The following MCPH1 variants were observed in gnomAD, a reference collection of about 807,000 sequenced individuals.
MCPH1 encodes the protein microcephalin.
Under a neutral mutation model 84.5 loss-of-function variants are expected in MCPH1, and 104 were observed. That is an observed-to-expected ratio of 1.23 (90% CI 1.05 to 1.45). The LOEUF (loss-of-function observed/expected upper bound fraction) is 1.45, where lower values mean the gene tolerates loss of function less well. MCPH1 is among the 40% of genes most tolerant of loss of function. The probability of loss-of-function intolerance (pLI) is 0.00; values close to 1 mark genes in which losing one functional copy is unlikely to be tolerated. For synonymous variants in MCPH1, 514 were observed against 366.8 expected, an observed-to-expected ratio of 1.40 and a Z score of -4.58; for missense variants, 1,498 against 1,005.7, an observed-to-expected ratio of 1.49 and a Z score of -6.62.
intron 12 of MCPH1, among the ~76,000 whole-genome samples, chr8:6,578,867 A>C (rs1395334546): frequency 6.6e-6 from 1 of 152,156 alleles, no homozygotes; most frequent in African/African-American, 2.4e-5. Context: ...CAACGTTGGG[A>C]GCACAGGTTG....
rs145562644 is a variant in MCPH1 at position 6,529,426 on chromosome 8, C to T, written c.2214+29497C>T. Among the ~76,000 whole-genome samples the T allele has an allele frequency of 8.6e-5, 13 of 151,430 alleles. 1 individual carries two copies. In the East Asian group the frequency reaches 2.5e-3, roughly 29 times the overall value. ...GTGGGTACATAATTCAGTTTCTTTG[C>T]GGCCTTCCTTAAGCTCAGCCATTTT... On this transcript the variant is annotated intron_variant, in intron 12 of 13. Transcript: ENST00000344683.
chr8:6,538,455 G>T (rs573520322), intron 12 of MCPH1, among the ~76,000 whole-genome samples: 1 of 152,292 alleles, frequency 6.6e-6, no homozygotes, highest in South Asian at 2.1e-4. Flanking sequence ...TTGCAGGTTT[G>T]CCTGAGGATA....
At chr8:6,633,281 T>A (rs549024482) in intron 13 of MCPH1, among the ~76,000 whole-genome samples, 4 of 152,300 alleles carry the variant, frequency 2.6e-5, no homozygotes, top group East Asian at 3.9e-4. Flanking sequence ...GTTGTCTACA[T>A]AGAAACATCA....
At chr8:6,474,135 C>A (rs892479089) in intron 9 of MCPH1, 1 of 760,354 alleles carries the variant, frequency 1.3e-6, no homozygotes, top group African/African-American at 1.7e-5. Context: ...TGGTAATCAA[C>A]AATAACTCCA....
chr8:6,588,195 C>T (rs1031562122), intron 12 of MCPH1, among the ~76,000 whole-genome samples: 6 of 152,132 alleles, frequency 3.9e-5, no homozygotes, highest in East Asian at 1.9e-4. Context: ...CCTCCTGTCC[C>T]CTCCACCTTC....
At chr8:6,452,780 G>A (rs754398060) in intron 8 of MCPH1, among the ~76,000 whole-genome samples, 5 of 152,204 alleles carry the variant, frequency 3.3e-5, no homozygotes, top group Non-Finnish European at 7.3e-5. Flanking sequence ...CGACCATGGG[G>A]GCACCGTGAT....
chr8:6,473,150 C>G (rs780273872), intron 9 of MCPH1, among the ~76,000 whole-genome samples: 4 of 151,950 alleles, frequency 2.6e-5, no homozygotes, highest in Non-Finnish European at 4.4e-5. Flanking sequence ...AAGAAACAGG[C>G]TCATCAATAT....
rs76765230 is a variant in MCPH1 at position 6,538,636 on chromosome 8, C to A, written c.2214+38707C>A. Reference sequence around the variant, plus strand: ...TTGAGTCTTCTCTTCCTCCTCAGGTCCCACCATCCCCCATTGCATGCCCTA... The same window carrying A: ...TTGAGTCTTCTCTTCCTCCTCAGGTACCACCATCCCCCATTGCATGCCCTA... On this transcript the variant is annotated intron_variant, in intron 12 of 13. Coordinates refer to ENST00000344683, the MANE Select transcript of MCPH1 (RefSeq NM_024596.5). Among the ~76,000 whole-genome samples, 1,514 of 152,292 alleles carry A rather than the reference C, an allele frequency of 9.9e-3. 57 individuals are homozygous for A. In the East Asian group the frequency reaches 0.13, roughly 13 times the overall value.
Position 6,445,073 on chromosome 8 carries a change from G to C in MCPH1, c.1351G>C (p.Glu451Gln). ...GAGCTGCAGAAGTCTTTCTAAGAAGGAGAGAACAAGCATATTTGAAATGTC... is the reference window on the plus strand; with the variant it reads ...GAGCTGCAGAAGTCTTTCTAAGAAGCAGAGAACAAGCATATTTGAAATGTC... Reference protein sequence around the residue: ...QLSCRSLSKKERTSIFEMSDF... With the variant: ...QLSCRSLSKKQRTSIFEMSDF... The change falls in exon 8 of 14, where the codon GAG becomes CAG. Residue 451 changes from glutamate (E) to glutamine (Q), a missense_variant. By Grantham distance (29) the Glu-to-Gln change is conservative. Transcript: ENST00000344683. The C allele has an allele frequency of 6.2e-7, 1 of 1,614,238 alleles. No homozygotes were observed.
At chr8:6,450,159 T>A (rs1328210530) in intron 8 of MCPH1, among the ~76,000 whole-genome samples, 1 of 152,184 alleles carries the variant, frequency 6.6e-6, no homozygotes, top group Non-Finnish European at 1.5e-5. Context: ...TCATCGATAA[T>A]AGTCACCAGT....
intron 12 of MCPH1, among the ~76,000 whole-genome samples, chr8:6,619,410 C>T (rs879321153): frequency 2.6e-5 from 4 of 152,152 alleles, no homozygotes; most frequent in Non-Finnish European, 4.4e-5. Context: ...CCTGCCTCAG[C>T]CTCCCGAGTA....
At chr8:6,562,886 C>A in intron 12 of MCPH1, 1 of 1,608,760 alleles carries the variant, frequency 6.2e-7, no homozygotes, top group Non-Finnish European at 8.5e-7. Context: ...TTATAGGCTG[C>A]GGCCAAGACA....
chr8:6,505,720 C>A (rs1325154405), intron 12 of MCPH1, among the ~76,000 whole-genome samples: 1 of 107,654 alleles, frequency 9.3e-6, no homozygotes, highest in African/African-American at 3.1e-5. Flanking sequence ...TATATATATT[C>A]TATATATATT....
At chr8:6,528,956 A>C (rs556424043) in intron 12 of MCPH1, among the ~76,000 whole-genome samples, 3 of 152,210 alleles carry the variant, frequency 2.0e-5, no homozygotes, top group Admixed American at 1.3e-4. Flanking sequence ...TAACACCTGG[A>C]ATATACATTT....
chr8:6,516,401 G>T (rs140749090), intron 12 of MCPH1, among the ~76,000 whole-genome samples: 8 of 152,276 alleles, frequency 5.3e-5, no homozygotes, highest in African/African-American at 1.9e-4. Flanking sequence ...CCTTCTAAGT[G>T]ATATATAGGA....
chr8:6,629,980 G>A (rs925949261), intron 13 of MCPH1, among the ~76,000 whole-genome samples: 2 of 152,212 alleles, frequency 1.3e-5, no homozygotes, highest in Admixed American at 6.5e-5. Context: ...AGAACCTGGT[G>A]TTCCACAAAC....
rs1002816746 is a variant in MCPH1 at position 6,444,934 on chromosome 8, T to C, written c.1212T>C (p.Ala404=). The C allele has an allele frequency of 3.7e-6, 6 of 1,614,148 alleles. No homozygotes were observed. In the South Asian group the frequency reaches 6.6e-5, roughly 18 times the overall value. ...ACGTGGCGGGACCTGCCCTGGAGGC[T>C]CTTAGCTGTGGGGAGTCTTCATATG... ...LQHVAGPALE[A]LSCGESSYDD... The change falls in exon 8 of 14, where the codon GCT becomes GCC. Residue 404 remains alanine, a synonymous_variant. Coordinates refer to ENST00000344683, the MANE Select transcript of MCPH1 (RefSeq NM_024596.5).
intron 12 of MCPH1, chr8:6,521,064 A>G (rs2515443): frequency 0.06 from 42,440 of 703,824 alleles, 1,542 homozygotes; most frequent in African/African-American, 0.12. Context: ...GATATTTCAT[A>G]TGAAATATAT....
chr8:6,630,721 C>A (rs1193258431), intron 13 of MCPH1, among the ~76,000 whole-genome samples: 1 of 146,862 alleles, frequency 6.8e-6, no homozygotes, highest in Non-Finnish European at 1.5e-5. Flanking sequence ...GTGGAGGTTG[C>A]AGTGAGCCGA....
Sources: allele counts gnomAD v4.1 joint callset (sites outside exome capture counted in the v4.1 genomes callset), GRCh38; gene constraint gnomAD v4.1.1; transcripts MANE v1.5; gene names NCBI Gene and HGNC (gene_info 2026-07-23, HGNC 2026-07-21).